The following APBA1 variants were observed in gnomAD, a reference collection of about 807,000 sequenced individuals.
APBA1 encodes amyloid beta precursor protein binding family A member 1.
A neutral mutation model predicts 86.6 loss-of-function variants in APBA1; 55 were observed. The observed-to-expected ratio is 0.64, with a 90% confidence interval of 0.51 to 0.80. APBA1 has a LOEUF of 0.80. Among genes scored for constraint, APBA1 ranks in the 30% least tolerant of loss-of-function variants. APBA1 has a pLI of 0.00. For synonymous variants in APBA1, 511 were observed against 493.9 expected (o/e 1.03, Z -0.46); for missense variants, 1,090 against 1,183.0 (o/e 0.92, Z 1.15).
chr9:69,530,865 C>T lies in APBA1; in HGVS notation c.-69-13586G>A, dbSNP rs1836421530. Among the ~76,000 whole-genome samples, 5 of 152,150 alleles carry T rather than the reference C, an allele frequency of 3.3e-5. No homozygotes were observed. The South Asian group carries it at 1.0e-3, about 32-fold the overall frequency. ...CAAAGTCTTTCTTCTCAGTCACCAG[C>T]CATAGGGTTGCCCCTCTATCCTACA... On this transcript the variant is annotated intron_variant, in intron 1 of 12. Coordinates refer to ENST00000265381, the MANE Select transcript of APBA1 (RefSeq NM_001163.4).
intron 1 of APBA1, among the ~76,000 whole-genome samples, chr9:69,541,279 C>T (rs1034678988): frequency 1.1e-4 from 14 of 128,050 alleles, no homozygotes; most frequent in East Asian, 2.6e-4. Flanking sequence ...TTTTCTATAT[C>T]AGCCGAACCA....
chr9:69,573,888 T>A (rs545457511), intron 1 of APBA1, among the ~76,000 whole-genome samples: 20 of 152,340 alleles, frequency 1.3e-4, no homozygotes, highest in Admixed American at 1.2e-3. Context: ...GCATGATGAC[T>A]TAGAAACAGC....
chr9:69,558,418 C>T (rs889619423), intron 1 of APBA1, among the ~76,000 whole-genome samples: 3 of 151,810 alleles, frequency 2.0e-5, no homozygotes, highest in Non-Finnish European at 4.4e-5. Context: ...TTTCTTCTCT[C>T]CTGATTACTG....
At chr9:69,597,441 A>T (rs1268734616) in intron 1 of APBA1, among the ~76,000 whole-genome samples, 3 of 152,056 alleles carry the variant, frequency 2.0e-5, no homozygotes, top group African/African-American at 7.2e-5. Flanking sequence ...GGTTGCGAAA[A>T]TTGTCTCCCA....
intron 2 of APBA1, among the ~76,000 whole-genome samples, chr9:69,503,980 C>T (rs1835916139): frequency 6.6e-6 from 1 of 152,090 alleles, no homozygotes; most frequent in Non-Finnish European, 1.5e-5. Flanking sequence ...AGAAAGGGTG[C>T]ATATGAGGTA....
intron 4 of APBA1, among the ~76,000 whole-genome samples, chr9:69,469,633 G>C (rs1054984141): frequency 6.6e-6 from 1 of 152,084 alleles, no homozygotes; most frequent in Non-Finnish European, 1.5e-5. Context: ...ACAGGGGCCC[G>C]CTCTGAATCT....
In APBA1 at chr9:69,516,077, G is replaced by T. The variant is rs771537898; in HGVS notation, c.1134C>A (p.Ile378=). ...PYTPDEPKEP[I]WVMRQDISPT... is the part of the protein sequence containing the mutation. ...GGCTAATGTCCTGGCGCATGACCCAGATGGGCTCTTTGGGCTCGTCGGGGG... is the reference window on the plus strand; with the variant it reads ...GGCTAATGTCCTGGCGCATGACCCATATGGGCTCTTTGGGCTCGTCGGGGG... Residue 378 remains isoleucine (I), a synonymous_variant, in exon 2 of 13, where the codon ATC becomes ATA. Transcript: ENST00000265381. The surrounding 1 kb of genome is among the most constrained non-coding windows in gnomAD (Gnocchi z 7.3). 6.2e-7 allele frequency: 1 copy of T among 1,612,918 alleles called. No homozygotes were observed. Among genetic ancestry groups the T allele is most frequent in the Non-Finnish European group, 8.5e-7 (1 of 1,179,318 alleles).
intron 1 of APBA1, among the ~76,000 whole-genome samples, chr9:69,541,511 G>T (rs1357801086): frequency 6.6e-6 from 1 of 150,426 alleles, no homozygotes; most frequent in Non-Finnish European, 1.5e-5. Context: ...CCTCTTAAAA[G>T]AAATGTCTAT....
chr9:69,531,045 C>G (rs981690183), intron 1 of APBA1, among the ~76,000 whole-genome samples: 2 of 151,906 alleles, frequency 1.3e-5, no homozygotes, highest in Non-Finnish European at 2.9e-5. Flanking sequence ...CTAATATATT[C>G]AAAATATTAT....
chr9:69,616,458 G>T (rs1202384044), intron 1 of APBA1, among the ~76,000 whole-genome samples: 1 of 152,112 alleles, frequency 6.6e-6, no homozygotes, highest in Non-Finnish European at 1.5e-5. Context: ...TGCGAACTGG[G>T]ATTGTCATAG....
intron 1 of APBA1, among the ~76,000 whole-genome samples, chr9:69,535,219 G>A (rs181757861): frequency 9.8e-5 from 15 of 152,298 alleles, no homozygotes; most frequent in African/African-American, 2.6e-4. Flanking sequence ...GGAATCACCT[G>A]CAGATTTTGT....
chr9:69,568,689 A>G (rs1194352099), intron 1 of APBA1, among the ~76,000 whole-genome samples: 1 of 152,226 alleles, frequency 6.6e-6, no homozygotes, highest in Non-Finnish European at 1.5e-5. Context: ...TGTTCAATGG[A>G]AGGTAACACA....
intron 1 of APBA1, among the ~76,000 whole-genome samples, chr9:69,654,289 G>A (rs1490674955): frequency 6.6e-6 from 1 of 151,858 alleles, no homozygotes; most frequent in Non-Finnish European, 1.5e-5. Context: ...CAAATCCTTA[G>A]CTAGACTTAC....
chr9:69,451,818 G>C (rs1160689114), intron 9 of APBA1, among the ~76,000 whole-genome samples: 1 of 152,136 alleles, frequency 6.6e-6, no homozygotes, highest in Non-Finnish European at 1.5e-5. Context: ...CCCTTACCTA[G>C]ATTGCAGTGT....
intron 1 of APBA1, among the ~76,000 whole-genome samples, chr9:69,573,343 T>A (rs1040166948): frequency 1.3e-5 from 2 of 152,006 alleles, no homozygotes; most frequent in Non-Finnish European, 2.9e-5. Flanking sequence ...GCACCTGTGG[T>A]CCCAGGTACT....
intron 1 of APBA1, among the ~76,000 whole-genome samples, chr9:69,537,141 T>C (rs1588348339): frequency 1.3e-5 from 2 of 151,696 alleles, no homozygotes; most frequent in East Asian, 3.9e-4. Context: ...TTTCTCTACA[T>C]GTGACCATCA....
At chr9:69,586,981 A>C (rs1469739911) in intron 1 of APBA1, among the ~76,000 whole-genome samples, 2 of 152,346 alleles carry the variant, frequency 1.3e-5, no homozygotes, top group African/African-American at 4.8e-5. Flanking sequence ...CATTGTCACT[A>C]AAGGTAATTC....
At chr9:69,581,320 T>C (rs2133956694) in intron 1 of APBA1, among the ~76,000 whole-genome samples, 1 of 152,310 alleles carries the variant, frequency 6.6e-6, no homozygotes, top group Non-Finnish European at 1.5e-5. Context: ...TGAGATTCAC[T>C]GATAAAACAT....
intron 1 of APBA1, among the ~76,000 whole-genome samples, chr9:69,583,943 G>C (rs1174282260): frequency 6.6e-6 from 1 of 152,232 alleles, no homozygotes; most frequent in African/African-American, 2.4e-5. Flanking sequence ...CATGTAAAGT[G>C]CTTAGCACAG....
Sources: gnomAD v4.1 joint callset for allele counts (sites outside exome capture counted in the v4.1 genomes callset) on GRCh38, gnomAD v4.1.1 for gene constraint, Gnocchi (gnomAD v3.1) non-coding constraint, MANE v1.5 for transcripts, NCBI Gene and HGNC (gene_info 2026-07-23, HGNC 2026-07-21) for gene names.